Variants in HELZ observed in about 807,000 individuals in gnomAD.
HELZ encodes helicase with zinc finger, also known as ATP-dependent RNA helicase with zinc finger domain.
In HELZ, 23 loss-of-function variants were observed where a neutral mutation model predicts 218.2. That is an observed-to-expected ratio of 0.11 (90% CI 0.08 to 0.15). HELZ has a LOEUF of 0.15. HELZ is among the 10% of genes least tolerant of loss of function. HELZ has a pLI of 1.00. For synonymous variants in HELZ, 814 were observed against 829.4 expected, an observed-to-expected ratio of 0.98 and a Z score of 0.32; for missense variants, 1,813 against 2,353.7, an observed-to-expected ratio of 0.77 and a Z score of 4.75.
chr17:67,178,594 T>C, intron 13 of HELZ, 65 bp downstream of exon 13: 5 of 1,349,174 alleles, frequency 3.7e-6, no homozygotes, highest in Non-Finnish European at 5.1e-6. Context: ...ACTTTCATTT[T>C]AAAGATTAGA....
At chr17:67,192,725 C>T (rs565336627) in intron 9 of HELZ, among the ~76,000 whole-genome samples, 25 of 152,238 alleles carry the variant, frequency 1.6e-4, no homozygotes, top group African/African-American at 3.9e-4. Context: ...AAATTTCCTT[C>T]GCTATCAAAA....
At chr17:67,085,031 C>T (rs531799410) in intron 32 of HELZ, among the ~76,000 whole-genome samples, 44 of 151,788 alleles carry the variant, frequency 2.9e-4, no homozygotes, top group African/African-American at 1.0e-3. Flanking sequence ...CGCTTCAGCC[C>T]GGATGGCGGA....
intron 31 of HELZ, among the ~76,000 whole-genome samples, chr17:67,089,640 G>T (rs2143607287): frequency 1.0e-5 from 1 of 98,318 alleles, no homozygotes; most frequent in Admixed American, 1.2e-4. Context: ...TAGATCTATT[G>T]GAGATTTTAT....
In HELZ at chr17:67,087,080, T is replaced by C; in HGVS notation, c.5243A>G (p.Tyr1748Cys). Residue 1748 changes from tyrosine (Y) to cysteine (C), a missense_variant and splice_region_variant, in exon 32 of 33, where the codon TAT (tyrosine) becomes TGT (cysteine). Physicochemically the swap from Tyr to Cys is radical, Grantham distance 194. Transcript: ENST00000358691. Reference sequence around the variant, plus strand: ...GGGCCGACCAGGTCCTCTGGGCTCATACTACACAAAGAAAAAGAACATTTC... The same window carrying C: ...GGGCCGACCAGGTCCTCTGGGCTCACACTACACAAAGAAAAAGAACATTTC... ...SSSSLPSLEE[Y>C]EPRGPGRPLY... 1 of 1,613,796 alleles carries C rather than the reference T, an allele frequency of 6.2e-7. No homozygotes were observed. The highest frequency in any genetic ancestry group is 2.2e-5 in the East Asian group (1 of 44,880).
At chr17:67,182,987 C>G (rs2039655640) in intron 12 of HELZ, among the ~76,000 whole-genome samples, 1 of 152,152 alleles carries the variant, frequency 6.6e-6, no homozygotes, top group Non-Finnish European at 1.5e-5. Flanking sequence ...CAAGGGTTGA[C>G]ATGTAAGAGG....
intron 13 of HELZ, among the ~76,000 whole-genome samples, chr17:67,169,443 G>A (rs187063819): frequency 6.6e-6 from 1 of 152,244 alleles, no homozygotes; most frequent in Admixed American, 6.5e-5. Context: ...TGGCAAGAGA[G>A]GACTGAATTC....
rs911632199 is a variant in HELZ at position 67,116,210 on chromosome 17, TA to T, written c.3839-1808del. On this transcript the variant is annotated intron_variant, in intron 27 of 32. Transcript: ENST00000358691. ...GCCAATGGAGACAAAAAGGAGTCAT[TA>T]AAAAAAAAAATACTCTACCAATCCA... Among the ~76,000 whole-genome samples, 1,375 of 144,214 alleles carry T rather than the reference TA, an allele frequency of 9.5e-3. 15 individuals are homozygous for T. The highest frequency in any genetic ancestry group is 0.03 in the African/African-American group (1,199 of 39,676). The allele number at this position is 144,214 out of a possible 152,430, so 94.6% of individuals were successfully genotyped here.
intron 32 of HELZ, among the ~76,000 whole-genome samples, 166 bp downstream of exon 32, chr17:67,086,663 T>TATATAG (rs1282125843): frequency 7.8e-6 from 1 of 128,376 alleles, no homozygotes. Context: ...TATATATATA[T>TATATAG]AGAATCAATA....
At chr17:67,132,568 T>C (rs2038021592) in intron 23 of HELZ, among the ~76,000 whole-genome samples, 1 of 152,176 alleles carries the variant, frequency 6.6e-6, no homozygotes, top group Non-Finnish European at 1.5e-5. Context: ...GGCTGCCCAT[T>C]TAAAATGCAA....
intron 7 of HELZ, among the ~76,000 whole-genome samples, chr17:67,196,244 C>T (rs1402810645): frequency 6.6e-6 from 1 of 152,112 alleles, no homozygotes; most frequent in Non-Finnish European, 1.5e-5. Context: ...TGAGATGAGC[C>T]CTTCTCCCAC....
intron 9 of HELZ, among the ~76,000 whole-genome samples, chr17:67,192,126 C>T (rs1468330152): frequency 6.6e-6 from 1 of 151,684 alleles, no homozygotes; most frequent in East Asian, 2.0e-4. Flanking sequence ...CGCTTGAACC[C>T]GGGAGGCGGA....
chr17:67,094,322 G>GA (rs538000680), intron 31 of HELZ, among the ~76,000 whole-genome samples: 4,660 of 121,626 alleles, frequency 0.038, 357 homozygotes, highest in African/African-American at 0.15. Flanking sequence ...ACCTGGTCTT[G>GA]AAAAAAAAAA....
chr17:67,165,739 C>G (rs1490910344), intron 15 of HELZ, among the ~76,000 whole-genome samples: 1 of 152,172 alleles, frequency 6.6e-6, no homozygotes, highest in Non-Finnish European at 1.5e-5. Context: ...TTAAGCAGAA[C>G]AATATTTATA....
Position 67,078,527 on chromosome 17 carries a change from A to G in HELZ, c.5554T>C (p.Ser1852Pro). The change falls in exon 33 of 33, where the codon TCC becomes CCC. Residue 1852 changes from serine to proline, a missense_variant. Around this residue, in one of 4 missense-constraint regions of HELZ, gnomAD observed 938 missense variants for 1,027.5 expected, o/e 0.91. Transcript: ENST00000358691. ...DQLKSENLEV[S>P]SSFNYSVLQH... ...AGCACACTGTAGTTGAAGGAACTGG[A>G]CACCTCGAGGTTCTCCGACTTCAGT... 2.0e-6 allele frequency: 3 copies of G among 1,514,380 alleles called. No individual in the cohort carries two copies. The highest frequency in any genetic ancestry group is 2.6e-6 in the Non-Finnish European group (3 of 1,133,518). 93.8% of individuals were successfully genotyped at this position (1,514,380 alleles called of 1,614,324 possible).
chr17:67,218,012 G>C (rs530983766), intron 4 of HELZ, among the ~76,000 whole-genome samples: 67 of 150,980 alleles, frequency 4.4e-4, no homozygotes, highest in African/African-American at 1.6e-3. Context: ...TCGGCTCCCT[G>C]CAACCTCTGC....
intron 27 of HELZ, among the ~76,000 whole-genome samples, chr17:67,116,991 G>C (rs2037447791): frequency 6.6e-6 from 1 of 152,062 alleles, no homozygotes; most frequent in African/African-American, 2.4e-5. Flanking sequence ...CGAGTAGCTG[G>C]GATTACAGGC....
chr17:67,229,123 T>C (rs1191419443), intron 3 of HELZ, among the ~76,000 whole-genome samples: 2 of 152,152 alleles, frequency 1.3e-5, no homozygotes, highest in East Asian at 3.8e-4. Flanking sequence ...GGCTAAAGTG[T>C]ATCATGCTTC....
rs1312719368 is a variant in HELZ at position 67,108,527 on chromosome 17, G to A, written c.4689C>T (p.Ser1563=). 2 of 1,614,112 alleles carry A rather than the reference G, an allele frequency of 1.2e-6. No individual in the cohort carries two copies. The highest frequency in any genetic ancestry group is 1.1e-5 in the South Asian group (1 of 91,082). ...PPVRADWKLT[S]SAEDEVETTY... The stretch of plus-strand genomic sequence containing the variant: ...TGGTCTCCACTTCATCTTCGGCACT[G>A]CTGGTGAGCTTCCAGTCTGCCCTCA... The change falls in exon 30 of 33, where the codon AGC becomes AGT. Residue 1563 remains serine (S), a synonymous_variant. Coordinates refer to ENST00000358691, the MANE Select transcript of HELZ (RefSeq NM_014877.4). This position sits in a 1 kb window ranked among gnomAD's most constrained non-coding sequence, Gnocchi z 4.1.
At chr17:67,242,840 GAA>G (rs1013945018) in intron 2 of HELZ, among the ~76,000 whole-genome samples, 1 of 118,570 alleles carries the variant, frequency 8.4e-6, no homozygotes, top group Admixed American at 8.7e-5. Context: ...CCTCAATCTA[GAA>G]AAAAAAAAAA....
Sources: gnomAD v4.1 joint callset for allele counts (sites outside exome capture counted in the v4.1 genomes callset) on GRCh38, gnomAD v4.1.1 for gene constraint, gnomAD v4.1.1 regional missense constraint, Gnocchi (gnomAD v3.1) non-coding constraint, MANE v1.5 for transcripts, NCBI Gene and HGNC (gene_info 2026-07-23, HGNC 2026-07-21) for gene names.